Variants in CACNA1D observed in about 807,000 individuals in gnomAD.
CACNA1D encodes voltage-dependent L-type calcium channel subunit alpha-1D.
In CACNA1D, 55 loss-of-function variants were observed where a neutral mutation model predicts 257.1. The ratio of observed to expected loss-of-function variants is 0.21; its 90% CI spans 0.17 to 0.27. CACNA1D has a LOEUF of 0.27. Ranked by LOEUF, CACNA1D falls within the 10% of genes least tolerant of loss-of-function variation. The pLI is 1.00. For missense variants in CACNA1D, 1,876 were observed against 2,784.0 expected (o/e 0.67, Z 7.34); for synonymous variants, 980 against 1,014.9 (o/e 0.97, Z 0.65).
At chr3:53,747,172 A>G (rs1331502408) in intron 25 of CACNA1D, 130 bp from the exon 26 acceptor site, 1 of 793,908 alleles carries the variant, frequency 1.3e-6, no homozygotes, top group South Asian at 1.4e-5. Context: ...TGTTATGCTC[A>G]GCTGTGTGAC....
chr3:53,542,988 G>A (rs2092332712), intron 3 of CACNA1D, among the ~76,000 whole-genome samples: 1 of 151,458 alleles, frequency 6.6e-6, no homozygotes, highest in Non-Finnish European at 1.5e-5. Context: ...GGAGGCGGAG[G>A]TTGTAGTGAG....
At chr3:53,534,074 C>T (rs1180333430) in intron 3 of CACNA1D, among the ~76,000 whole-genome samples, 1 of 152,158 alleles carries the variant, frequency 6.6e-6, no homozygotes, top group African/African-American at 2.4e-5. Flanking sequence ...GCATTCCCAT[C>T]TGTAGGTTGT....
chr3:53,657,100 CTT>C (rs2094155033), intron 4 of CACNA1D, among the ~76,000 whole-genome samples: 1 of 152,118 alleles, frequency 6.6e-6, no homozygotes, highest in Non-Finnish European at 1.5e-5. Context: ...CCCAAAAAAA[CTT>C]TATTCATAAT....
At chr3:53,634,198 G>A (rs1207377828) in intron 3 of CACNA1D, among the ~76,000 whole-genome samples, 1 of 152,176 alleles carries the variant, frequency 6.6e-6, no homozygotes, top group African/African-American at 2.4e-5. Context: ...TGTTTATGAA[G>A]TATAGAGCTC....
At chr3:53,747,011 C>A (rs2095176005) in intron 25 of CACNA1D, among the ~76,000 whole-genome samples, 1 of 152,212 alleles carries the variant, frequency 6.6e-6, no homozygotes, top group Non-Finnish European at 1.5e-5. Flanking sequence ...GAGATGCTCT[C>A]ACCATGCTGT....
At chr3:53,657,537 ATAAAT>A (rs2094160143) in intron 4 of CACNA1D, among the ~76,000 whole-genome samples, 1 of 152,226 alleles carries the variant, frequency 6.6e-6, no homozygotes, top group African/African-American at 2.4e-5. Flanking sequence ...TTTATTATAG[ATAAAT>A]TAAACTGCAA....
intron 45 of CACNA1D, 137 bp from the exon 46 acceptor site, chr3:53,808,512 C>T: frequency 9.8e-7 from 1 of 1,022,492 alleles, no homozygotes; most frequent in Admixed American, 1.8e-5. Context: ...GACCTCACTA[C>T]CTAATCTTTC....
chr3:53,507,904 A>C (rs1334114830), intron 3 of CACNA1D, among the ~76,000 whole-genome samples: 1 of 152,160 alleles, frequency 6.6e-6, no homozygotes, highest in Non-Finnish European at 1.5e-5. Flanking sequence ...AAAAGTGCGT[A>C]TGTATGTACA....
intron 3 of CACNA1D, among the ~76,000 whole-genome samples, chr3:53,563,525 C>G (rs569139169): frequency 5.3e-5 from 6 of 114,260 alleles, no homozygotes; most frequent in Non-Finnish European, 1.1e-4. Context: ...GAGGGCGAGA[C>G]TCTGTCTCAA....
At chr3:53,571,265 A>G (rs2092937898) in intron 3 of CACNA1D, among the ~76,000 whole-genome samples, 1 of 152,150 alleles carries the variant, frequency 6.6e-6, no homozygotes, top group Non-Finnish European at 1.5e-5. Context: ...CTCTCTGGTG[A>G]TGTGATTTGA....
chr3:53,641,618 C>T (rs114272883), intron 3 of CACNA1D, among the ~76,000 whole-genome samples: 4 of 152,014 alleles, frequency 2.6e-5, no homozygotes, highest in Non-Finnish European at 5.9e-5. Flanking sequence ...TAGAATGTAC[C>T]CTCTGCCAAG....
intron 3 of CACNA1D, among the ~76,000 whole-genome samples, chr3:53,600,575 T>A (rs2093428826): frequency 6.6e-6 from 1 of 152,232 alleles, no homozygotes; most frequent in South Asian, 2.1e-4. Flanking sequence ...ATTTGAATTC[T>A]TGCTGACTAT....
At chr3:53,694,178 GTCTGGTGGCC>G (rs537635913) in intron 8 of CACNA1D, among the ~76,000 whole-genome samples, 53 of 152,342 alleles carry the variant, frequency 3.5e-4, no homozygotes, top group African/African-American at 1.3e-3. Flanking sequence ...GCATGTGAGT[GTCTGGTGGCC>G]TCTCTGCAGA....
chr3:53,683,894 G>C (rs2094453238), intron 8 of CACNA1D, among the ~76,000 whole-genome samples: 1 of 152,142 alleles, frequency 6.6e-6, no homozygotes. Context: ...TGAACATGTT[G>C]CAAGTATTGA....
intron 29 of CACNA1D, among the ~76,000 whole-genome samples, chr3:53,756,990 C>T (rs1420890018): frequency 2.0e-5 from 3 of 152,306 alleles, no homozygotes; most frequent in Admixed American, 6.5e-5. Context: ...ATTTATACTC[C>T]TAGCTACTTG....
At chr3:53,771,144 C>G (rs563855669) in intron 32 of CACNA1D, among the ~76,000 whole-genome samples, 1 of 152,282 alleles carries the variant, frequency 6.6e-6, no homozygotes, top group African/African-American at 2.4e-5. Flanking sequence ...TTTTCCCGTA[C>G]CTGCCAGTAC....
chr3:53,729,707 T>A lies in CACNA1D; in HGVS notation c.2222-735T>A, dbSNP rs539705909. ...TCAGTCACCTAACCTTTTATTGTGT[T>A]TTTTAACTGGAACTGCAATGAGCCT... On this transcript the variant is annotated intron_variant, in intron 15 of 47. Coordinates refer to ENST00000350061, the MANE Select transcript of CACNA1D (RefSeq NM_001128840.3). Among the ~76,000 whole-genome samples the A allele has an allele frequency of 2.6e-5, 4 of 152,326 alleles. No individual in the cohort carries two copies. The South Asian group carries it at 8.3e-4, about 32-fold the overall frequency.
intron 4 of CACNA1D, among the ~76,000 whole-genome samples, chr3:53,654,996 A>G (rs2094134718): frequency 6.6e-6 from 1 of 152,148 alleles, no homozygotes; most frequent in South Asian, 2.1e-4. Flanking sequence ...TCATGAAGAA[A>G]GGATAATGGC....
chr3:53,742,407 C>T (rs926624355), intron 21 of CACNA1D, among the ~76,000 whole-genome samples: 19 of 152,326 alleles, frequency 1.2e-4, no homozygotes, highest in African/African-American at 4.3e-4. Flanking sequence ...AGCACAGAGC[C>T]GTTGAGACTG....
Sources: gnomAD v4.1 joint callset for allele counts (sites outside exome capture counted in the v4.1 genomes callset) on GRCh38, gnomAD v4.1.1 for gene constraint, MANE v1.5 for transcripts, NCBI Gene and HGNC (gene_info 2026-07-23, HGNC 2026-07-21) for gene names.